LEPR: variants seen among roughly 807,000 people sequenced by gnomAD.
The protein encoded by LEPR is OB receptor.
LEPR carries 56 observed loss-of-function variants against 114.7 expected under a neutral mutation model. That is an observed-to-expected ratio of 0.49 (90% CI 0.39 to 0.61). LEPR has a LOEUF of 0.61. Among genes scored for constraint, LEPR ranks in the 20% least tolerant of loss-of-function variants. The probability of loss-of-function intolerance (pLI) is 0.00; values close to 1 mark genes in which losing one functional copy is unlikely to be tolerated. For missense variants in LEPR, 1,202 were observed against 1,352.9 expected, an observed-to-expected ratio of 0.89 and a Z score of 1.75; for synonymous variants, 443 against 461.4, an observed-to-expected ratio of 0.96 and a Z score of 0.51.
At chr1:65,486,866 G>A (rs1203217136) in intron 2 of LEPR, among the ~76,000 whole-genome samples, 2 of 152,148 alleles carry the variant, frequency 1.3e-5, no homozygotes, top group African/African-American at 4.8e-5. Context: ...CAGTTTCCAT[G>A]ATGGTCAGCT....
intron 2 of LEPR, chr1:65,433,655 A>G (rs1646518922): frequency 1.0e-6 from 1 of 985,128 alleles, no homozygotes; most frequent in Non-Finnish European, 1.2e-6. Flanking sequence ...TTATGTTTTC[A>G]GTGTCCTGTG....
Position 65,633,458 on chromosome 1 carries a change from T to G in LEPR, c.2674-2733T>G, listed in dbSNP as rs1360304966. 9 of 1,232,854 alleles carry G rather than the reference T, an allele frequency of 7.3e-6. No individual in the cohort carries two copies. The highest frequency in any genetic ancestry group is 9.1e-6 in the Non-Finnish European group (9 of 986,388). The allele number at this position is 1,232,854 out of a possible 1,614,324, so 76.4% of individuals were successfully genotyped here. A position where few individuals can be genotyped will look rare whatever the true frequency, so the allele number is the denominator to read the frequency against. On this transcript the variant is annotated intron_variant, in intron 19 of 19. Coordinates refer to ENST00000349533, the MANE Select transcript of LEPR (RefSeq NM_002303.6). The surrounding 1 kb of genome is among the most constrained non-coding windows in gnomAD (Gnocchi z 4.1). ...ATTTCTGGCTTTTGATTTGTCATAT[T>G]CCTGGTCATAAAACATTAAGAAAAT...
chr1:65,636,550 G>A lies in LEPR; in HGVS notation c.3033G>A (p.Lys1011=), dbSNP rs746461610. The A allele has an allele frequency of 2.7e-5, 44 of 1,613,968 alleles. No homozygotes were observed. In the South Asian group the frequency reaches 4.3e-4, roughly 16 times the overall value. ...GGCTTATAAATAGTTCAGTCACCAAGTGCTTCTCTAGCAAAAATTCTCCGT... is the reference window on the plus strand; with the variant it reads ...GGCTTATAAATAGTTCAGTCACCAAATGCTTCTCTAGCAAAAATTCTCCGT... The part of the protein sequence containing the change: ...EQGLINSSVT[K]CFSSKNSPLK... Residue 1011 remains lysine, a synonymous_variant, in exon 20 of 20, where the codon AAG becomes AAA. Coordinates refer to ENST00000349533, the MANE Select transcript of LEPR (RefSeq NM_002303.6).
intron 2 of LEPR, among the ~76,000 whole-genome samples, chr1:65,475,837 G>A (rs756353805): frequency 1.3e-5 from 2 of 151,896 alleles, no homozygotes; most frequent in African/African-American, 2.4e-5. Flanking sequence ...ACAACATAGT[G>A]AAACCCCATC....
At chr1:65,623,077 G>A in intron 19 of LEPR, 96 bp downstream of exon 19, 1 of 1,193,330 alleles carries the variant, frequency 8.4e-7, no homozygotes, top group Non-Finnish European at 1.2e-6. Flanking sequence ...AGATTTAAAA[G>A]GTCATATTTT....
chr1:65,590,884 CT>C (rs35969506), intron 5 of LEPR, among the ~76,000 whole-genome samples: 76 of 147,064 alleles, frequency 5.2e-4, no homozygotes, highest in Middle Eastern at 7.2e-3. Flanking sequence ...TGAATTTGCT[CT>C]TTTTTTTTTT....
chr1:65,597,442 G>T (rs897868460), intron 7 of LEPR, among the ~76,000 whole-genome samples: 1 of 152,094 alleles, frequency 6.6e-6, no homozygotes, highest in African/African-American at 2.4e-5. Flanking sequence ...AGGATAAGAG[G>T]AATCTGGGGG....
intron 19 of LEPR, chr1:65,629,244 T>A (rs1349493086): frequency 1.8e-5 from 5 of 280,206 alleles, no homozygotes; most frequent in South Asian, 6.3e-5. Flanking sequence ...TTTTTTTTTT[T>A]AAATAAAAAC....
chr1:65,478,645 A>T (rs1647184183), intron 2 of LEPR, among the ~76,000 whole-genome samples: 1 of 152,196 alleles, frequency 6.6e-6, no homozygotes, highest in South Asian at 2.1e-4. Flanking sequence ...TGTTCAGCTC[A>T]CTAAAAACAA....
At chr1:65,598,979 C>T in intron 8 of LEPR, among the ~76,000 whole-genome samples, 175 bp downstream of exon 8, 1 of 152,070 alleles carries the variant, frequency 6.6e-6, no homozygotes, top group East Asian at 1.9e-4. Flanking sequence ...CTGTCAGAGC[C>T]TCTAGGCTTG....
At chr1:65,457,217 G>A (rs1389730990) in intron 2 of LEPR, among the ~76,000 whole-genome samples, 7 of 152,014 alleles carry the variant, frequency 4.6e-5, no homozygotes, top group Non-Finnish European at 7.4e-5. Flanking sequence ...AACCTAATAC[G>A]TTATTGCTAT....
At chr1:65,634,149 G>A (rs1045536078) in intron 19 of LEPR, 61 of 985,146 alleles carry the variant, frequency 6.2e-5, no homozygotes, top group Non-Finnish European at 7.0e-5. Flanking sequence ...ATTATGCTGC[G>A]TTGCTCACAT....
At chr1:65,455,391 G>GT (rs1416196933) in intron 2 of LEPR, among the ~76,000 whole-genome samples, 4 of 152,314 alleles carry the variant, frequency 2.6e-5, no homozygotes, top group African/African-American at 9.6e-5. Context: ...TTTCTGCTCT[G>GT]TTTTTCCCCA....
intron 6 of LEPR, among the ~76,000 whole-genome samples, chr1:65,593,168 T>TA (rs201936987): frequency 2.5e-5 from 1 of 39,314 alleles, no homozygotes; most frequent in African/African-American, 1.2e-4. Context: ...TTTTTGAAAA[T>TA]AGTAGCATGT....
intron 2 of LEPR, among the ~76,000 whole-genome samples, chr1:65,550,794 C>T (rs1467366738): frequency 1.3e-5 from 2 of 152,174 alleles, no homozygotes; most frequent in Admixed American, 6.5e-5. Flanking sequence ...CCTTGCCCTG[C>T]TTTGGCTCGC....
intron 5 of LEPR, among the ~76,000 whole-genome samples, chr1:65,589,311 G>A (rs1226227796): frequency 2.0e-5 from 3 of 151,884 alleles, no homozygotes; most frequent in Non-Finnish European, 4.4e-5. Context: ...GATACCTTAT[G>A]TATACAAATC....
intron 2 of LEPR, among the ~76,000 whole-genome samples, chr1:65,550,829 C>G (rs1402566318): frequency 6.6e-6 from 1 of 152,132 alleles, no homozygotes; most frequent in Non-Finnish European, 1.5e-5. Context: ...ACCCACTGTC[C>G]TGCACCCACT....
intron 19 of LEPR, chr1:65,635,347 T>G: frequency 1.0e-6 from 1 of 984,952 alleles, no homozygotes; most frequent in Non-Finnish European, 1.2e-6. Context: ...TTGAGCTTTT[T>G]GCCCACAGAT....
chr1:65,567,270 C>T (rs138812368), intron 3 of LEPR, among the ~76,000 whole-genome samples: 1 of 152,282 alleles, frequency 6.6e-6, no homozygotes, highest in East Asian at 1.9e-4. Context: ...TTACATTTTA[C>T]ATTTAAATAC....
Sources: allele counts gnomAD v4.1 joint callset (sites outside exome capture counted in the v4.1 genomes callset), GRCh38; gene constraint gnomAD v4.1.1; non-coding constraint Gnocchi (gnomAD v3.1); transcripts MANE v1.5; gene names NCBI Gene and HGNC (gene_info 2026-07-23, HGNC 2026-07-21).